Variants in LAMA3 observed in about 807,000 individuals in gnomAD.
LAMA3 encodes the protein laminin subunit alpha 3.
In LAMA3, 281 loss-of-function variants were observed where a neutral mutation model predicts 402.0. The ratio of observed to expected loss-of-function variants is 0.70; its 90% CI spans 0.63 to 0.77. The LOEUF (loss-of-function observed/expected upper bound fraction) is 0.77, where lower values mean the gene tolerates loss of function less well. Among genes scored for constraint, LAMA3 ranks in the 30% least tolerant of loss-of-function variants. LAMA3 has a pLI of 0.00. For synonymous variants in LAMA3, 1,431 were observed against 1,558.4 expected (o/e 0.92, Z 1.93); for missense variants, 3,840 against 4,215.5 (o/e 0.91, Z 2.47).
At chr18:23,832,098 T>TTA (rs2063499849) in intron 23 of LAMA3, among the ~76,000 whole-genome samples, 1 of 152,134 alleles carries the variant, frequency 6.6e-6, no homozygotes, top group Non-Finnish European at 1.5e-5. Context: ...TCCATATAAT[T>TTA]TAGAGTGGAA....
chr18:23,864,866 C>T lies in LAMA3; in HGVS notation c.4666C>T (p.Pro1556Ser), dbSNP rs575241357. 1.2e-6 allele frequency: 2 copies of T among 1,612,298 alleles called. No individual in the cohort carries two copies. The highest frequency in any genetic ancestry group is 1.3e-5 in the African/African-American group (1 of 74,994). The change falls in exon 36 of 75, where the codon CCG becomes TCG. Residue 1556 changes from proline (P) to serine (S), a missense_variant. Around this residue, in one of 3 missense-constraint regions of LAMA3, gnomAD observed 2,109 missense variants for 2,376.0 expected, o/e 0.89. Transcript: ENST00000313654. ...PGDMVLLEKK[P>S]DVQLTGQHMS... ...CGACATGGTTCTTCTGGAAAAGAAG[C>T]CGGATGTACAGCTCACTGTAGGTAT...
chr18:23,690,890 T>TATTTATTC (rs1189689258), intron 1 of LAMA3, among the ~76,000 whole-genome samples: 4 of 142,926 alleles, frequency 2.8e-5, no homozygotes, highest in African/African-American at 1.1e-4. Context: ...TTTATTTATT[T>TATTTATTC]ATTTATTTAT....
chr18:23,916,957 G>T (rs964593375), intron 60 of LAMA3, among the ~76,000 whole-genome samples: 1 of 151,318 alleles, frequency 6.6e-6, no homozygotes, highest in Non-Finnish European at 1.5e-5. Flanking sequence ...TTGGTGCACA[G>T]ATTATTTTAT....
At chr18:23,941,314 C>A (rs2082503552) in intron 68 of LAMA3, among the ~76,000 whole-genome samples, 2 of 101,316 alleles carry the variant, frequency 2.0e-5, no homozygotes, top group African/African-American at 3.7e-5. Flanking sequence ...GTGGCCTCTC[C>A]ATCAGCTTGG....
intron 39 of LAMA3, among the ~76,000 whole-genome samples, 184 bp from the exon 40 acceptor site, chr18:23,881,752 T>C (rs2064902303): frequency 6.6e-6 from 1 of 152,172 alleles, no homozygotes; most frequent in South Asian, 2.1e-4. Context: ...GGAAGGACAC[T>C]TACCCCTCTT....
chr18:23,797,060 A>G (rs1380327208), intron 12 of LAMA3, among the ~76,000 whole-genome samples: 1 of 152,148 alleles, frequency 6.6e-6, no homozygotes, highest in Non-Finnish European at 1.5e-5. Flanking sequence ...GTGAAGGACT[A>G]ATACATACAC....
intron 26 of LAMA3, 62 bp downstream of exon 26, chr18:23,838,940 G>T: frequency 1.0e-6 from 1 of 1,004,804 alleles, no homozygotes; most frequent in Non-Finnish European, 1.6e-6. Context: ...TGAGTGTAAG[G>T]CTGAAACTTT....
intron 28 of LAMA3, 39 bp from the exon 29 acceptor site, chr18:23,842,572 T>G: frequency 6.2e-7 from 1 of 1,614,212 alleles, no homozygotes; most frequent in South Asian, 1.1e-5. Context: ...GAATCTACAG[T>G]CCGGTGCATG....
intron 2 of LAMA3, among the ~76,000 whole-genome samples, chr18:23,742,100 C>T (rs769362325): frequency 4.6e-5 from 7 of 152,144 alleles, no homozygotes; most frequent in South Asian, 2.1e-4. Context: ...CCAGCCTGGG[C>T]GACAGAGTGA....
At chr18:23,778,625 G>A (rs138838620) in intron 11 of LAMA3, among the ~76,000 whole-genome samples, 520 of 152,274 alleles carry the variant, frequency 3.4e-3, no homozygotes, top group Non-Finnish European at 5.8e-3. Flanking sequence ...TGCACCAAAG[G>A]AAGGGCACAG....
At chr18:23,700,711 T>C (rs12964862) in intron 1 of LAMA3, among the ~76,000 whole-genome samples, 71,079 of 151,874 alleles carry the variant, frequency 0.47, 18,932 homozygotes, top group Non-Finnish European at 0.61. Context: ...CTTTTCTTTT[T>C]TTTTGAGGCA....
intron 30 of LAMA3, 74 bp downstream of exon 30, chr18:23,845,198 G>T: frequency 1.1e-6 from 1 of 879,468 alleles, no homozygotes; most frequent in Non-Finnish European, 1.9e-6. Context: ...GAGGCCCAGG[G>T]AGGGGCTGGC....
chr18:23,779,769 C>T (rs2062399031), intron 11 of LAMA3, among the ~76,000 whole-genome samples: 1 of 152,188 alleles, frequency 6.6e-6, no homozygotes, highest in Non-Finnish European at 1.5e-5. Flanking sequence ...GGAGGATGGG[C>T]TTGGGAAAGT....
chr18:23,810,302 C>G (rs536969958), intron 12 of LAMA3, 64 bp from the exon 13 acceptor site: 4 of 1,576,474 alleles, frequency 2.5e-6, no homozygotes, highest in East Asian at 4.5e-5. Flanking sequence ...TGCTCCGGGA[C>G]GTGGTTCTTC....
At chr18:23,781,359 T>A (rs1429374901) in intron 11 of LAMA3, 2 of 450,144 alleles carry the variant, frequency 4.4e-6, no homozygotes, top group Non-Finnish European at 8.9e-6. Flanking sequence ...CCTTGCCACT[T>A]CTGAAAAGGA....
At chr18:23,937,589 G>T (rs951827155) in intron 67 of LAMA3, among the ~76,000 whole-genome samples, 1 of 152,114 alleles carries the variant, frequency 6.6e-6, no homozygotes, top group African/African-American at 2.4e-5. Context: ...GCCATTAAGA[G>T]AATTAAGGGA....
At chr18:23,932,383 C>A in intron 66 of LAMA3, 92 bp downstream of exon 66, 1 of 1,358,380 alleles carries the variant, frequency 7.4e-7, no homozygotes, top group South Asian at 1.2e-5. Context: ...TCAGCTTTGT[C>A]AACATGTGCT....
At chr18:23,935,227 T>C (rs543254505) in intron 67 of LAMA3, among the ~76,000 whole-genome samples, 4 of 152,170 alleles carry the variant, frequency 2.6e-5, no homozygotes, top group Non-Finnish European at 5.9e-5. Context: ...CAGTCTGGGT[T>C]ATTGGATGAA....
At chr18:23,773,330 G>A (rs907931792) in intron 8 of LAMA3, among the ~76,000 whole-genome samples, 167 bp from the exon 9 acceptor site, 1 of 152,172 alleles carries the variant, frequency 6.6e-6, no homozygotes, top group Non-Finnish European at 1.5e-5. Flanking sequence ...CAATCCTATG[G>A]TAAATTTTGG....
Sources: gnomAD v4.1 joint callset for allele counts (sites outside exome capture counted in the v4.1 genomes callset) on GRCh38, gnomAD v4.1.1 for gene constraint, gnomAD v4.1.1 regional missense constraint, MANE v1.5 for transcripts, NCBI Gene and HGNC (gene_info 2026-07-23, HGNC 2026-07-21) for gene names.